Variants in RPTOR observed in about 807,000 individuals in gnomAD.
RPTOR encodes regulatory-associated protein of mTOR.
RPTOR carries 21 observed loss-of-function variants against 169.9 expected under a neutral mutation model. The observed-to-expected ratio is 0.12, with a 90% CI of 0.09 to 0.18. RPTOR has a LOEUF of 0.18. RPTOR is among the 10% of genes least tolerant of loss of function. The pLI is 1.00. For synonymous variants in RPTOR, 732 were observed against 753.2 expected (o/e 0.97, Z 0.46); for missense variants, 1,133 against 1,855.9 (o/e 0.61, Z 7.16).
intron 5 of RPTOR, among the ~76,000 whole-genome samples, chr17:80,731,589 A>G (rs745559694): frequency 1.1e-4 from 17 of 152,166 alleles, no homozygotes; most frequent in Non-Finnish European, 2.2e-4. Flanking sequence ...TCTGAGGACA[A>G]ATTGAAGAGG....
intron 25 of RPTOR, among the ~76,000 whole-genome samples, chr17:80,944,092 G>A (rs550096494): frequency 6.6e-6 from 1 of 152,300 alleles, no homozygotes; most frequent in East Asian, 1.9e-4. Flanking sequence ...TCCTTTTATG[G>A]TTCCTTCTAG....
intron 3 of RPTOR, among the ~76,000 whole-genome samples, chr17:80,689,516 T>TA (rs1567858999): frequency 1.3e-5 from 2 of 152,226 alleles, no homozygotes; most frequent in Non-Finnish European, 2.9e-5. Flanking sequence ...GGATTGCTGT[T>TA]ATGAGGAATT....
At position 80,655,576 on chromosome 17, in the gene RPTOR, AT is replaced by A. The variant is rs36041783; in HGVS notation, c.348+11781del. On this transcript the variant is annotated intron_variant, in intron 3 of 33. Coordinates refer to ENST00000306801, the MANE Select transcript of RPTOR (RefSeq NM_020761.3). The stretch of plus-strand genomic sequence containing the variant: ...TGCCACCATGCCCAGCTAATTTTTA[AT>A]TTTTTTTTTTTTTTGTAGAGGTGGT... Among the ~76,000 whole-genome samples the A allele has an allele frequency of 2.3e-3, 318 of 135,660 alleles. 1 individual carries two copies. The highest frequency in any genetic ancestry group is 3.0e-3 in the Admixed American group (40 of 13,404). 89.0% of individuals were successfully genotyped at this position (135,660 alleles called of 152,430 possible).
intron 9 of RPTOR, among the ~76,000 whole-genome samples, chr17:80,826,893 C>CAT (rs2067450136): frequency 6.6e-6 from 1 of 152,242 alleles, no homozygotes; most frequent in African/African-American, 2.4e-5. Flanking sequence ...GCAGAAGAAA[C>CAT]ATTATGCGCT....
At chr17:80,876,196 T>G (rs1390753271) in intron 13 of RPTOR, among the ~76,000 whole-genome samples, 45 of 56,544 alleles carry the variant, frequency 8.0e-4, no homozygotes, top group Admixed American at 1.2e-3. Flanking sequence ...TCGCCTGCCG[T>G]GTCTTCCCAC....
chr17:80,775,632 A>G (rs890347582), intron 6 of RPTOR, among the ~76,000 whole-genome samples: 1 of 152,246 alleles, frequency 6.6e-6, no homozygotes, highest in Admixed American at 6.5e-5. Flanking sequence ...GCACAGGATG[A>G]AAAACAGACA....
chr17:80,770,684 G>A (rs146760494), intron 6 of RPTOR, among the ~76,000 whole-genome samples: 189 of 152,278 alleles, frequency 1.2e-3, no homozygotes, highest in African/African-American at 3.7e-3. Flanking sequence ...GAGGAAAATC[G>A]CACTGCTGGT....
chr17:80,916,053 T>C (rs2068670023), intron 21 of RPTOR, among the ~76,000 whole-genome samples: 1 of 152,204 alleles, frequency 6.6e-6, no homozygotes, highest in Non-Finnish European at 1.5e-5. Flanking sequence ...CACTTGTCCG[T>C]GTACCTCATT....
chr17:80,898,791 GGCTTTTCACTTGTGTTCA>G (rs1217275335), intron 20 of RPTOR, among the ~76,000 whole-genome samples: 1 of 150,846 alleles, frequency 6.6e-6, no homozygotes, highest in Non-Finnish European at 1.5e-5. Context: ...TTTGATGATG[GGCTTTTCACTTGTGTTCA>G]GCTTCAAGCT....
intron 6 of RPTOR, chr17:80,773,955 G>A (rs765153709): frequency 2.1e-5 from 21 of 985,448 alleles, no homozygotes; most frequent in Non-Finnish European, 2.5e-5. Context: ...GGGGGCTATG[G>A]TGCTGAATCC....
intron 28 of RPTOR, among the ~76,000 whole-genome samples, chr17:80,953,451 T>G (rs937940620): frequency 6.6e-6 from 1 of 152,170 alleles, no homozygotes; most frequent in Non-Finnish European, 1.5e-5. Flanking sequence ...AGTTCCTCAC[T>G]TAAACAGAGA....
chr17:80,964,219 G>GGCC, intron 33 of RPTOR, 43 bp from the exon 34 acceptor site: 1 of 1,503,862 alleles, frequency 6.6e-7, no homozygotes, highest in Non-Finnish European at 9.1e-7. Flanking sequence ...CGCAGTGTCT[G>GGCC]CCCGCACCTG....
At chr17:80,782,846 G>T (rs2066955301) in intron 6 of RPTOR, among the ~76,000 whole-genome samples, 1 of 152,200 alleles carries the variant, frequency 6.6e-6, no homozygotes, top group Admixed American at 6.5e-5. Context: ...CACAGTCCAT[G>T]TTATTGATAG....
intron 1 of RPTOR, among the ~76,000 whole-genome samples, chr17:80,612,383 G>A (rs2065277808): frequency 6.6e-6 from 1 of 152,108 alleles, no homozygotes; most frequent in Admixed American, 6.6e-5. Flanking sequence ...CTCCCACCTA[G>A]ACCTCCCAAA....
chr17:80,878,570 A>T lies in RPTOR; in HGVS notation c.1510-1845A>T, dbSNP rs573082207. The stretch of plus-strand genomic sequence containing the variant: ...ACCATATTGGCCAGGCTGGTCTCGA[A>T]CTCCTGACCTTGTGACCCGCCTGTC... On this transcript the variant is annotated intron_variant, in intron 13 of 33. Transcript: ENST00000306801. The surrounding 1 kb of genome is among the most constrained non-coding windows in gnomAD (Gnocchi z 4.1). 6.6e-6 allele frequency among the ~76,000 whole-genome samples: 1 copy of T among 151,044 alleles called. No homozygotes were observed.
rs2143618377 is a variant in RPTOR, at chr17:80,823,199, C to T, written c.1112C>T (p.Pro371Leu). 1.2e-6 allele frequency: 2 copies of T among 1,614,110 alleles called. No individual in the cohort carries two copies. The highest frequency in any genetic ancestry group is 1.1e-5 in the South Asian group (1 of 91,058). ...NCTPVSSPRLPPTYMHAMWQA... is the reference protein window; with the variant it reads ...NCTPVSSPRLLPTYMHAMWQA... Reference sequence around the variant, plus strand: ...ACTCCCGTCAGCAGCCCGCGTCTGCCGCCCACGTACATGCACGCCATGTGG... The same window carrying T: ...ACTCCCGTCAGCAGCCCGCGTCTGCTGCCCACGTACATGCACGCCATGTGG... Residue 371 changes from proline to leucine, a missense_variant, in exon 9 of 34, where the codon CCG becomes CTG. By Grantham distance (98) the Pro-to-Leu change is moderately conservative. Transcript: ENST00000306801. This position sits in a 1 kb window ranked among gnomAD's most constrained non-coding sequence, Gnocchi z 4.5.
intron 3 of RPTOR, among the ~76,000 whole-genome samples, chr17:80,670,322 C>A (rs1445919946): frequency 6.6e-6 from 1 of 152,102 alleles, no homozygotes. Flanking sequence ...GAATTTGCGC[C>A]TTCCCTCTCC....
intron 6 of RPTOR, among the ~76,000 whole-genome samples, chr17:80,768,144 G>C (rs141552634): frequency 5.3e-5 from 8 of 152,322 alleles, no homozygotes; most frequent in African/African-American, 1.7e-4. Context: ...TTACAGGCGT[G>C]AGCCACCGCG....
chr17:80,694,739 C>T (rs1045708441), intron 3 of RPTOR, among the ~76,000 whole-genome samples: 1 of 152,234 alleles, frequency 6.6e-6, no homozygotes, highest in Non-Finnish European at 1.5e-5. Flanking sequence ...AAATCAGCAG[C>T]ACTGAGTGAT....
Sources: allele counts gnomAD v4.1 joint callset (sites outside exome capture counted in the v4.1 genomes callset), GRCh38; gene constraint gnomAD v4.1.1; non-coding constraint Gnocchi (gnomAD v3.1); transcripts MANE v1.5; gene names NCBI Gene and HGNC (gene_info 2026-07-23, HGNC 2026-07-21).